Variants in HMCN1 observed in about 807,000 individuals in gnomAD.
HMCN1 encodes the protein hemicentin-1.
HMCN1 carries 321 observed loss-of-function variants against 625.9 expected under a neutral mutation model. That is an observed-to-expected ratio of 0.51 (90% CI 0.47 to 0.56). HMCN1 has a LOEUF of 0.56. Among genes scored for constraint, HMCN1 ranks in the 20% least tolerant of loss-of-function variants. The pLI is 0.00. For synonymous variants in HMCN1, 2,425 were observed against 2,417.6 expected (o/e 1.00, Z -0.09); for missense variants, 6,588 against 6,887.3 (o/e 0.96, Z 1.54).
chr1:186,064,809 C>CA (rs541377417), intron 48 of HMCN1, among the ~76,000 whole-genome samples: 60,453 of 95,376 alleles, frequency 0.63, 18,362 homozygotes, highest in African/African-American at 0.79. Context: ...GACTTCATCT[C>CA]AAAAAAAAAA....
At chr1:186,065,969 A>G (rs1571808950) in intron 49 of HMCN1, among the ~76,000 whole-genome samples, 1 of 152,198 alleles carries the variant, frequency 6.6e-6, no homozygotes. Flanking sequence ...TAATTCTACT[A>G]AAATCAACTG....
intron 4 of HMCN1, among the ~76,000 whole-genome samples, chr1:185,893,546 T>C (rs1665283461): frequency 1.3e-5 from 2 of 152,188 alleles, no homozygotes; most frequent in Admixed American, 1.3e-4. Flanking sequence ...TTCCTAATGG[T>C]TTCCCGAGTG....
intron 89 of HMCN1, among the ~76,000 whole-genome samples, chr1:186,140,296 T>C (rs74136047): frequency 0.048 from 7,233 of 152,254 alleles, 578 homozygotes; most frequent in African/African-American, 0.17. Context: ...CTTTGGTCTC[T>C]TTTAATTGGA....
chr1:185,850,447 C>T (rs1186122700), intron 2 of HMCN1, among the ~76,000 whole-genome samples: 1 of 152,028 alleles, frequency 6.6e-6, no homozygotes, highest in Non-Finnish European at 1.5e-5. Flanking sequence ...AAATACCTAC[C>T]TTGTCAATGA....
At chr1:185,883,552 CAA>C (rs1664440578) in intron 4 of HMCN1, among the ~76,000 whole-genome samples, 1 of 151,852 alleles carries the variant, frequency 6.6e-6, no homozygotes, top group African/African-American at 2.4e-5. Flanking sequence ...GAAATTTACC[CAA>C]GTTATTGTGT....
chr1:185,846,050 C>G lies in HMCN1; in HGVS notation c.293C>G (p.Thr98Arg). ...DPEIGPVTIT[T>R]DPKKFQYELR... ...GAAATTGGCCCAGTGACAATTACCA[C>G]AGATCCCAAGAAATTTCAATATGAA... Residue 98 changes from threonine (T) to arginine (R), a missense_variant, in exon 2 of 107, where the codon ACA becomes AGA. Around this residue, in one of 3 missense-constraint regions of HMCN1, gnomAD observed 4,628 missense variants for 4,853.1 expected, o/e 0.95. Transcript: ENST00000271588. The G allele has an allele frequency of 6.2e-7, 1 of 1,611,938 alleles. No homozygotes were observed. Among genetic ancestry groups the G allele is most frequent in the Non-Finnish European group, 8.5e-7 (1 of 1,178,234 alleles).
chr1:185,937,917 ATAATAG>A (rs1262237302), intron 11 of HMCN1, among the ~76,000 whole-genome samples: 2 of 146,550 alleles, frequency 1.4e-5, no homozygotes, highest in Non-Finnish European at 3.0e-5. Context: ...AATAATAATA[ATAATAG>A]TAATAATAAT....
At chr1:185,794,601 A>ATTTTT (rs34098989) in intron 1 of HMCN1, among the ~76,000 whole-genome samples, 7 of 111,202 alleles carry the variant, frequency 6.3e-5, no homozygotes, top group South Asian at 6.2e-4. Flanking sequence ...GTCTTTACAC[A>ATTTTT]TTTTTTTTTT....
chr1:185,970,479 C>T lies in HMCN1; in HGVS notation c.2357C>T (p.Thr786Ile), dbSNP rs1159635270. ...GCTGGAAGAGCAACTGGCAAGATAA[C>T]TCTGGATGTTGGCTGTAAGCCTCCA... ...NEAGRATGKI[T>I]LDVGSPPVFI... Residue 786 changes from threonine to isoleucine, a missense_variant, in exon 15 of 107, where the codon ACT (threonine) becomes ATT (isoleucine). By Grantham distance (89) the Thr-to-Ile change is moderately conservative. Around this residue, in one of 3 missense-constraint regions of HMCN1, gnomAD observed 4,628 missense variants for 4,853.1 expected, o/e 0.95. Transcript: ENST00000271588. 2 of 1,613,676 alleles carry T rather than the reference C, an allele frequency of 1.2e-6. No individual in the cohort carries two copies. Among genetic ancestry groups the T allele is most frequent in the Non-Finnish European group, 1.7e-6 (2 of 1,179,606 alleles).
intron 1 of HMCN1, among the ~76,000 whole-genome samples, chr1:185,763,114 G>T (rs1176236180): frequency 6.6e-6 from 1 of 152,162 alleles, no homozygotes; most frequent in Non-Finnish European, 1.5e-5. Context: ...CAGGACGCTG[G>T]TAAATTGATC....
chr1:185,882,610 T>A (rs1371677750), intron 4 of HMCN1, among the ~76,000 whole-genome samples: 1 of 152,090 alleles, frequency 6.6e-6, no homozygotes. Context: ...AGCCTGGAAG[T>A]CACCATTTTC....
chr1:185,932,329 T>G (rs2102494015), intron 10 of HMCN1, among the ~76,000 whole-genome samples: 1 of 152,178 alleles, frequency 6.6e-6, no homozygotes. Context: ...ACCACTGTGG[T>G]TTTGGTATAT....
chr1:185,909,578 G>A (rs1666301272), intron 5 of HMCN1, 70 bp downstream of exon 5: 6 of 1,362,526 alleles, frequency 4.4e-6, no homozygotes, highest in Admixed American at 1.8e-5. Flanking sequence ...TCACACACTT[G>A]TTTTTGTCAA....
chr1:186,131,663 T>C (rs747086036), intron 85 of HMCN1, among the ~76,000 whole-genome samples: 28 of 152,148 alleles, frequency 1.8e-4, no homozygotes, highest in Non-Finnish European at 3.2e-4. Flanking sequence ...ATTGACTTAC[T>C]GTTTGTTAAG....
At chr1:185,892,104 G>A (rs556283056) in intron 4 of HMCN1, among the ~76,000 whole-genome samples, 8 of 149,206 alleles carry the variant, frequency 5.4e-5, no homozygotes, top group East Asian at 1.9e-4. Context: ...TGATTGCATC[G>A]GGTCCTGAGG....
intron 29 of HMCN1, among the ~76,000 whole-genome samples, chr1:186,006,052 C>T (rs1653610655): frequency 6.6e-6 from 1 of 151,040 alleles, no homozygotes; most frequent in Admixed American, 6.7e-5. Flanking sequence ...AGGAGAATCG[C>T]TTGAACCCAG....
chr1:186,086,424 T>G lies in HMCN1; in HGVS notation c.9046+17T>G. On this transcript the variant is annotated intron_variant, in intron 58 of 106. Coordinates refer to ENST00000271588, the MANE Select transcript of HMCN1 (RefSeq NM_031935.3). ...TTGTGCCTGGTAAGGAACTTCTTAT[T>G]ATAAAGCAGGCAAAATTTTCTCATC... 1.2e-6 allele frequency: 2 copies of G among 1,612,092 alleles called. No homozygotes were observed. The highest frequency in any genetic ancestry group is 1.7e-6 in the Non-Finnish European group (2 of 1,178,698).
Position 185,798,949 on chromosome 1 carries a change from T to C in HMCN1, c.269-47077T>C, listed in dbSNP as rs373835218. Reference sequence around the variant, plus strand: ...GTCCTTTGGGGTGTTGTAACACTTTTTCATACTTTCAGAATTATGTCTTTG... The same window carrying C: ...GTCCTTTGGGGTGTTGTAACACTTTCTCATACTTTCAGAATTATGTCTTTG... On this transcript the variant is annotated intron_variant, in intron 1 of 106. Transcript: ENST00000271588. Among the ~76,000 whole-genome samples the C allele has an allele frequency of 2.6e-4, 40 of 152,316 alleles. 1 individual carries two copies. The South Asian group carries it at 8.1e-3, about 31-fold the overall frequency.
chr1:186,060,051 CT>C, intron 46 of HMCN1, among the ~76,000 whole-genome samples: 1 of 152,060 alleles, frequency 6.6e-6, no homozygotes, highest in Admixed American at 6.6e-5. Flanking sequence ...AGCATTTTTA[CT>C]TTTTAAGTAA....
Sources: gnomAD v4.1 joint callset for allele counts (sites outside exome capture counted in the v4.1 genomes callset) on GRCh38, gnomAD v4.1.1 for gene constraint, gnomAD v4.1.1 regional missense constraint, MANE v1.5 for transcripts, NCBI Gene and HGNC (gene_info 2026-07-23, HGNC 2026-07-21) for gene names.